NCOA6: variants seen among roughly 807,000 people sequenced by gnomAD.
The protein encoded by NCOA6 is nuclear receptor coactivator 6, also known as NRC RAP250.
Under a neutral mutation model 171.4 loss-of-function variants are expected in NCOA6, and 49 were observed. The ratio of observed to expected loss-of-function variants is 0.29; its 90% confidence interval spans 0.23 to 0.36. The LOEUF (loss-of-function observed/expected upper bound fraction) is 0.36, where lower values mean the gene tolerates loss of function less well. Among genes scored for constraint, NCOA6 ranks in the 10% least tolerant of loss-of-function variants. NCOA6 has a pLI of 1.00. For missense variants in NCOA6, 2,248 were observed against 2,554.5 expected (o/e 0.88, Z 2.59); for synonymous variants, 910 against 927.5 (o/e 0.98, Z 0.34).
chr20:34,769,425 G>GGTGC (rs2077075188), intron 4 of NCOA6, among the ~76,000 whole-genome samples: 3 of 150,356 alleles, frequency 2.0e-5, no homozygotes, highest in Admixed American at 6.6e-5. Flanking sequence ...GTGCAGTGGT[G>GGTGC]TGATCTTGGC....
intron 1 of NCOA6, among the ~76,000 whole-genome samples, chr20:34,804,086 C>T (rs989698478): frequency 2.6e-5 from 4 of 152,016 alleles, no homozygotes; most frequent in Non-Finnish European, 5.9e-5. Context: ...GCCTTAATCC[C>T]AGCACTTTGG....
chr20:34,814,098 A>G (rs890726027), intron 1 of NCOA6, among the ~76,000 whole-genome samples: 1 of 152,218 alleles, frequency 6.6e-6, no homozygotes, highest in Non-Finnish European at 1.5e-5. Flanking sequence ...TGGGAGGCTG[A>G]GGCGGGCAGA....
At chr20:34,810,940 T>C (rs2078637595) in intron 1 of NCOA6, among the ~76,000 whole-genome samples, 2 of 151,912 alleles carry the variant, frequency 1.3e-5, no homozygotes, top group Admixed American at 1.3e-4. Flanking sequence ...TGTGTACCTA[T>C]TCAGATAGAC....
At chr20:34,717,380 G>A (rs1988738096) in intron 14 of NCOA6, among the ~76,000 whole-genome samples, 1 of 152,182 alleles carries the variant, frequency 6.6e-6, no homozygotes, top group Non-Finnish European at 1.5e-5. Flanking sequence ...AGCCTGGGAG[G>A]TGGAGGTTGT....
intron 2 of NCOA6, among the ~76,000 whole-genome samples, chr20:34,783,946 G>A (rs1170302781): frequency 7.5e-6 from 1 of 133,922 alleles, no homozygotes; most frequent in African/African-American, 2.8e-5. Context: ...TTTATTTATG[G>A]CACATGTCCA....
chr20:34,762,198 C>T (rs1173508048), intron 5 of NCOA6, among the ~76,000 whole-genome samples: 3 of 152,228 alleles, frequency 2.0e-5, no homozygotes, highest in African/African-American at 7.2e-5. Flanking sequence ...GCCCTATATA[C>T]CTTCAGTGAT....
intron 5 of NCOA6, among the ~76,000 whole-genome samples, chr20:34,761,749 G>A (rs150655439): frequency 1.1e-3 from 164 of 152,088 alleles, no homozygotes; most frequent in African/African-American, 3.7e-3. Flanking sequence ...TCTGCCTCCT[G>A]GGTTCAAGTG....
Position 34,743,211 on chromosome 20 carries a change from T to TGGC in NCOA6, c.3042_3044dup (p.Pro1018dup). ...GAGACTGTGGCTGACTGGGAGGTGGTGGCTGCTGCTGCTGAGGCAGTTGTG... is the reference window on the plus strand; with the variant it reads ...GAGACTGTGGCTGACTGGGAGGTGGTGGCGGCTGCTGCTGCTGAGGCAGTTGTG... On this transcript the variant is annotated inframe_insertion, in exon 11 of 15. Transcript: ENST00000359003. 6.2e-7 allele frequency: 1 copy of TGGC among 1,613,964 alleles called. No individual in the cohort carries two copies. The highest frequency in any genetic ancestry group is 1.1e-5 in the South Asian group (1 of 91,076).
At chr20:34,817,956 G>A (rs999143675) in intron 1 of NCOA6, among the ~76,000 whole-genome samples, 1 of 152,068 alleles carries the variant, frequency 6.6e-6, no homozygotes, top group African/African-American at 2.4e-5. Flanking sequence ...AATAGAAATG[G>A]GTATTCAAAG....
intron 1 of NCOA6, among the ~76,000 whole-genome samples, chr20:34,800,982 A>AT (rs945881533): frequency 5.9e-5 from 9 of 152,266 alleles, no homozygotes; most frequent in East Asian, 5.8e-4. Context: ...AAGTATTAAA[A>AT]TTTTTTTTAA....
At chr20:34,770,346 T>A (rs2077112879) in intron 4 of NCOA6, among the ~76,000 whole-genome samples, 1 of 151,732 alleles carries the variant, frequency 6.6e-6, no homozygotes, top group Non-Finnish European at 1.5e-5. Context: ...CTATGTCTAT[T>A]TTAACCAGGG....
intron 5 of NCOA6, among the ~76,000 whole-genome samples, chr20:34,759,759 T>C (rs2076761013): frequency 6.6e-6 from 1 of 152,204 alleles, no homozygotes; most frequent in Non-Finnish European, 1.5e-5. Flanking sequence ...TGTTGTGTAT[T>C]TGTCATGAAT....
chr20:34,816,942 C>A (rs2078855257), intron 1 of NCOA6, among the ~76,000 whole-genome samples: 1 of 151,308 alleles, frequency 6.6e-6, no homozygotes, highest in Admixed American at 6.6e-5. Context: ...CCAATATGGT[C>A]AAACCCCATC....
At chr20:34,721,238 CAAAAAAAAA>C (rs10531679) in intron 14 of NCOA6, among the ~76,000 whole-genome samples, 2 of 66,036 alleles carry the variant, frequency 3.0e-5, no homozygotes, top group African/African-American at 1.3e-4. Context: ...TTCCTCTATA[CAAAAAAAAA>C]AAAAAAAAAA....
At chr20:34,790,906 C>A (rs1399006059) in intron 2 of NCOA6, among the ~76,000 whole-genome samples, 1 of 152,176 alleles carries the variant, frequency 6.6e-6, no homozygotes, top group Admixed American at 6.5e-5. Context: ...CCGCCTCAGC[C>A]TCCCAAAGTG....
At chr20:34,718,872 A>AC (rs1453228570) in intron 14 of NCOA6, among the ~76,000 whole-genome samples, 2 of 152,194 alleles carry the variant, frequency 1.3e-5, no homozygotes, top group African/African-American at 4.8e-5. Context: ...GTCAGGGTGT[A>AC]CCTCAGACTG....
intron 14 of NCOA6, among the ~76,000 whole-genome samples, chr20:34,719,506 C>T (rs1738124931): frequency 6.6e-6 from 1 of 152,066 alleles, no homozygotes; most frequent in South Asian, 2.1e-4. Flanking sequence ...TGGTGCATGC[C>T]TGTAGTCCCA....
intron 3 of NCOA6, among the ~76,000 whole-genome samples, chr20:34,778,475 TG>T (rs1221427530): frequency 6.6e-6 from 1 of 151,458 alleles, no homozygotes; most frequent in Non-Finnish European, 1.5e-5. Context: ...GTCGCCAGGC[TG>T]GAGTGCAGTG....
chr20:34,799,654 G>A (rs1479729473), intron 1 of NCOA6, among the ~76,000 whole-genome samples: 5 of 152,180 alleles, frequency 3.3e-5, no homozygotes, highest in African/African-American at 7.2e-5. Context: ...GGCAGCAGAC[G>A]TTTTAGTGGA....
Sources: gnomAD v4.1 joint callset for allele counts (sites outside exome capture counted in the v4.1 genomes callset) on GRCh38, gnomAD v4.1.1 for gene constraint, MANE v1.5 for transcripts, NCBI Gene and HGNC (gene_info 2026-07-23, HGNC 2026-07-21) for gene names.